The following PIK3C2G variants were observed in gnomAD, a reference collection of about 807,000 sequenced individuals.
The protein encoded by PIK3C2G is phosphatidylinositol-4-phosphate 3-kinase catalytic subunit type 2 gamma.
Under a neutral mutation model 181.1 loss-of-function variants are expected in PIK3C2G, and 168 were observed. The observed-to-expected ratio is 0.93, with a 90% CI of 0.82 to 1.05. PIK3C2G has a LOEUF of 1.05. Among genes scored for constraint, PIK3C2G ranks in the 50% least tolerant of loss-of-function variants. PIK3C2G has a pLI of 0.00. For missense variants in PIK3C2G, 1,869 were observed against 1,732.8 expected (o/e 1.08, Z -1.40); for synonymous variants, 573 against 592.2 (o/e 0.97, Z 0.47).
intron 12 of PIK3C2G, among the ~76,000 whole-genome samples, chr12:18,366,017 C>G (rs1224896987): frequency 6.6e-6 from 1 of 152,182 alleles, no homozygotes; most frequent in Admixed American, 6.5e-5. Context: ...CATCTCTCCT[C>G]TCTATACCAC....
At chr12:18,528,682 G>A (rs922180894) in intron 24 of PIK3C2G, among the ~76,000 whole-genome samples, 6 of 152,162 alleles carry the variant, frequency 3.9e-5, no homozygotes, top group Non-Finnish European at 7.4e-5. Flanking sequence ...TATTGATAGA[G>A]TTCTATCTTT....
chr12:18,606,638 GAA>G (rs1042310388), intron 30 of PIK3C2G, among the ~76,000 whole-genome samples: 1 of 152,144 alleles, frequency 6.6e-6, no homozygotes, highest in African/African-American at 2.4e-5. Flanking sequence ...AGAAGGCTTT[GAA>G]AAGTTATATA....
the PIK3C2G span, among the ~76,000 whole-genome samples, chr12:18,677,243 C>A: frequency 1.3e-5 from 2 of 152,026 alleles, no homozygotes. Flanking sequence ...ATCCAGAGAG[C>A]AAAATCTAAA....
At chr12:18,548,592 T>C (rs1212810574) in intron 26 of PIK3C2G, among the ~76,000 whole-genome samples, 3 of 151,992 alleles carry the variant, frequency 2.0e-5, no homozygotes, top group Non-Finnish European at 4.4e-5. Flanking sequence ...TGAACTAACG[T>C]GGAAGTAGAT....
At chr12:18,321,261 A>C (rs914880066) in intron 7 of PIK3C2G, among the ~76,000 whole-genome samples, 2 of 152,218 alleles carry the variant, frequency 1.3e-5, no homozygotes, top group African/African-American at 4.8e-5. Flanking sequence ...CATTTAAAAA[A>C]ATCTCTGCTG....
At chr12:18,372,366 G>C (rs1942128135) in intron 13 of PIK3C2G, among the ~76,000 whole-genome samples, 1 of 152,038 alleles carries the variant, frequency 6.6e-6, no homozygotes, top group African/African-American at 2.4e-5. Context: ...ATACAAGTTT[G>C]TTTACTAAAT....
Position 18,477,408 on chromosome 12 carries a change from G to T in PIK3C2G, c.2505-11041G>T, listed in dbSNP as rs79569245. ...TTGAAACGAACTGATAGAGTGAAAA[G>T]GACAATTATACCTGCCTATAAGGTA... On this transcript the variant is annotated intron_variant, in intron 18 of 32. Coordinates refer to ENST00000538779, the MANE Select transcript of PIK3C2G (RefSeq NM_001288772.2). 7.4e-4 allele frequency among the ~76,000 whole-genome samples: 113 copies of T among 152,206 alleles called. No homozygotes were observed. The East Asian group carries it at 0.015, about 21-fold the overall frequency.
chr12:18,721,157 G>A, the PIK3C2G span, among the ~76,000 whole-genome samples: 5 of 151,888 alleles, frequency 3.3e-5, no homozygotes, highest in Non-Finnish European at 7.4e-5. Flanking sequence ...TTGAACTACT[G>A]AATAATTAAA....
At chr12:18,475,167 G>A (rs1938849308) in intron 18 of PIK3C2G, among the ~76,000 whole-genome samples, 1 of 152,012 alleles carries the variant, frequency 6.6e-6, no homozygotes, top group Admixed American at 6.6e-5. Flanking sequence ...AACTTTGGTA[G>A]ATATTGCCAC....
chr12:18,346,611 G>A (rs753126430), intron 10 of PIK3C2G, 30 bp from the exon 11 acceptor site: 3 of 1,397,436 alleles, frequency 2.1e-6, no homozygotes, highest in African/African-American at 2.9e-5. Flanking sequence ...GCCCTTCTTA[G>A]TGACTTGATC....
rs1339613641 is a variant in PIK3C2G, at chr12:18,290,878, C to T, written c.785C>T (p.Ala262Val). 2.0e-5 allele frequency: 32 copies of T among 1,604,044 alleles called. No individual in the cohort carries two copies. The highest frequency in any genetic ancestry group is 2.6e-5 in the Non-Finnish European group (31 of 1,171,550). Residue 262 changes from alanine (A) to valine (V), a missense_variant, in exon 4 of 33, where the codon GCT becomes GTT. By Grantham distance (64) the Ala-to-Val change is moderately conservative (BLOSUM62 0). Coordinates refer to ENST00000538779, the MANE Select transcript of PIK3C2G (RefSeq NM_001288772.2). Reference protein sequence around the residue: ...VKKIRERYHAADVNFNSGKIW... With the variant: ...VKKIRERYHAVDVNFNSGKIW... ...AGAATCAGAGAAAGATATCATGCAG[C>T]TGATGTTAATTTCAATTCTGGGAAG... is the stretch of plus-strand genomic sequence containing the variant.
At chr12:18,559,821 T>TATATATATAGAGAG (rs1945244509) in intron 26 of PIK3C2G, among the ~76,000 whole-genome samples, 1 of 18,372 alleles carries the variant, frequency 5.4e-5, no homozygotes, top group Non-Finnish European at 9.6e-5. Context: ...TATATATATA[T>TATATATATAGAGAG]AGAGAGAGAG....
Position 18,261,543 on chromosome 12 carries a change from G to C in PIK3C2G, c.-113G>C, listed in dbSNP as rs1484366493. 6.6e-6 allele frequency: 1 copy of C among 151,988 alleles called. No homozygotes were observed. Among genetic ancestry groups the C allele is most frequent in the Non-Finnish European group, 1.5e-5 (1 of 67,972 alleles). 9.4% of individuals were successfully genotyped at this position (151,988 alleles called of 1,614,324 possible). A position where few individuals can be genotyped will look rare whatever the true frequency, so the allele number is the denominator to read the frequency against. ...GTATTTGACTCTTGAAAAGAAATGA[G>C]ATCGTGTTTCATTTCAGGAAGATAT... On this transcript the variant is annotated 5_prime_UTR_variant, in exon 1 of 33. Coordinates refer to ENST00000538779, the MANE Select transcript of PIK3C2G (RefSeq NM_001288772.2).
At chr12:18,559,907 A>C (rs1945259839) in intron 26 of PIK3C2G, among the ~76,000 whole-genome samples, 1 of 144,584 alleles carries the variant, frequency 6.9e-6, no homozygotes, top group Non-Finnish European at 1.5e-5. Context: ...GCAGTGGCCC[A>C]GTCTCGGCTC....
chr12:18,658,726 A>C, the PIK3C2G span, among the ~76,000 whole-genome samples: 56,921 of 152,000 alleles, frequency 0.37, 12,815 homozygotes, highest in South Asian at 0.57. Context: ...TATGCATATA[A>C]ATTCTTTTAG....
intron 30 of PIK3C2G, among the ~76,000 whole-genome samples, chr12:18,606,000 A>C (rs1947997669): frequency 6.6e-6 from 1 of 152,174 alleles, no homozygotes; most frequent in African/African-American, 2.4e-5. Flanking sequence ...GTTACTGTAC[A>C]TAAAGCTCTT....
rs77889938 is a variant in PIK3C2G, at chr12:18,594,070, A to C, written c.4012-424A>C. 6.1e-3 allele frequency among the ~76,000 whole-genome samples: 920 copies of C among 151,972 alleles called. 2 individuals are homozygous for C. The highest frequency in any genetic ancestry group is 0.01 in the Middle Eastern group (3 of 292). On this transcript the variant is annotated intron_variant, in intron 29 of 32. Coordinates refer to ENST00000538779, the MANE Select transcript of PIK3C2G (RefSeq NM_001288772.2). The stretch of plus-strand genomic sequence containing the variant: ...TCAGTACTCAGCGAGTATTCCTAGA[A>C]TTGAACCTTGAGTAGTAGTGGTTAC...
intron 30 of PIK3C2G, chr12:18,607,263 T>G: frequency 2.1e-6 from 1 of 467,764 alleles, no homozygotes; most frequent in Non-Finnish European, 4.3e-6. Flanking sequence ...AAAGAAATAG[T>G]AGAGCCTGTT....
At chr12:18,398,726 GAGCATCTA>G (rs1944043104) in intron 15 of PIK3C2G, among the ~76,000 whole-genome samples, 1 of 152,126 alleles carries the variant, frequency 6.6e-6, no homozygotes, top group African/African-American at 2.4e-5. Flanking sequence ...GCAAATACTT[GAGCATCTA>G]AGAAACTAGC....
Sources: gnomAD v4.1 joint callset for allele counts (sites outside exome capture counted in the v4.1 genomes callset) on GRCh38, gnomAD v4.1.1 for gene constraint, MANE v1.5 for transcripts, NCBI Gene and HGNC (gene_info 2026-07-23, HGNC 2026-07-21) for gene names.